Variants in TRIM59 observed in about 807,000 individuals in gnomAD.
TRIM59 encodes the protein tripartite motif-containing protein 59.
A neutral mutation model predicts 32.2 loss-of-function variants in TRIM59; 14 were observed. The ratio of observed to expected loss-of-function variants is 0.43; its 90% confidence interval spans 0.29 to 0.68. TRIM59 has a LOEUF of 0.68. Among genes scored for constraint, TRIM59 ranks in the 30% least tolerant of loss-of-function variants. The pLI, the probability that TRIM59 is intolerant of heterozygous loss-of-function variation, is 0.15. For synonymous variants in TRIM59, 163 were observed against 155.1 expected (o/e 1.05, Z -0.38); for missense variants, 471 against 463.3 (o/e 1.02, Z -0.15).
At chr3:160,442,558 G>GA (rs879824298) in intron 2 of TRIM59, among the ~76,000 whole-genome samples, 1,449 of 139,148 alleles carry the variant, frequency 0.01, 13 homozygotes, top group African/African-American at 0.027. Context: ...TCAAAAAAAG[G>GA]AAAAAAAAAA....
intron 2 of TRIM59, among the ~76,000 whole-genome samples, chr3:160,448,071 T>C (rs1253420505): frequency 6.6e-6 from 1 of 152,326 alleles, no homozygotes; most frequent in East Asian, 1.9e-4. Flanking sequence ...TTAAATCTCT[T>C]TGTCCATCTG....
chr3:160,441,753 C>CAAAAA (rs538957200), intron 2 of TRIM59, among the ~76,000 whole-genome samples: 3 of 50,104 alleles, frequency 6.0e-5, no homozygotes, highest in Non-Finnish European at 9.3e-5. Flanking sequence ...GACTCCATCT[C>CAAAAA]AAAAAAAAAA....
In TRIM59 at chr3:160,436,933, C is replaced by G. The variant is rs569080397; in HGVS notation, c.*1039G>C. 1 of 984,396 alleles carries G rather than the reference C, an allele frequency of 1.0e-6. No homozygotes were observed. The highest frequency in any genetic ancestry group is 4.7e-5 in the South Asian group (1 of 21,242). 61.0% of individuals were successfully genotyped at this position (984,396 alleles called of 1,614,324 possible). A position where few individuals can be genotyped will look rare whatever the true frequency, so the allele number is the denominator to read the frequency against. ...GATGCCATCAAAACCTGTTGCAGAC[C>G]AAGTTACCAACATGATTCTGTTCTA... On this transcript the variant is annotated 3_prime_UTR_variant, in exon 3 of 3. Coordinates refer to ENST00000309784, the MANE Select transcript of TRIM59 (RefSeq NM_173084.3).
intron 2 of TRIM59, among the ~76,000 whole-genome samples, chr3:160,448,381 T>C (rs781169587): frequency 1.6e-4 from 24 of 152,220 alleles, no homozygotes; most frequent in Non-Finnish European, 2.6e-4. Flanking sequence ...GAATGCATAG[T>C]GAAAAAGTAT....
intron 2 of TRIM59, among the ~76,000 whole-genome samples, chr3:160,447,371 AT>A (rs1394606167): frequency 7.2e-5 from 11 of 152,240 alleles, no homozygotes; most frequent in Admixed American, 3.3e-4. Context: ...ATATAAAAAA[AT>A]GAATCTTCTC....
At chr3:160,447,420 T>A (rs954647428) in intron 2 of TRIM59, among the ~76,000 whole-genome samples, 2 of 152,220 alleles carry the variant, frequency 1.3e-5, no homozygotes, top group African/African-American at 4.8e-5. Context: ...TACTTACAAA[T>A]TATTTCACTA....
Position 160,437,939 on chromosome 3 carries a change from A to C in TRIM59, c.*33T>G. On this transcript the variant is annotated 3_prime_UTR_variant, in exon 3 of 3. Coordinates refer to ENST00000309784, the MANE Select transcript of TRIM59 (RefSeq NM_173084.3). ...CATTTTTTGTTTAGCAATGTACAGAATAAGCCCATTTAAACAATTCAGGTT... is the reference window on the plus strand; with the variant it reads ...CATTTTTTGTTTAGCAATGTACAGACTAAGCCCATTTAAACAATTCAGGTT... 6.6e-7 allele frequency: 1 copy of C among 1,520,820 alleles called. No individual in the cohort carries two copies. The highest frequency in any genetic ancestry group is 1.4e-5 in the South Asian group (1 of 72,418). 94.2% of individuals were successfully genotyped at this position (1,520,820 alleles called of 1,614,324 possible).
At position 160,437,998 on chromosome 3, in the gene TRIM59, AT is replaced by A. The variant is rs1255403674; in HGVS notation, c.1185del (p.Glu395AspfsTer6). On this transcript the variant is annotated frameshift_variant, in exon 3 of 3. Transcript: ENST00000309784. LOFTEE classifies it high-confidence loss of function. ...CAATGGGAAACTATTTTCCACACAA[AT>A]TCCTTCAACAAATAGAAAATGTGAC... The part of the protein sequence containing the change: ...ILCHIFYLLK[E>X]FVWKIVSH The A allele has an allele frequency of 1.9e-6, 3 of 1,555,280 alleles. No individual in the cohort carries two copies. In the Admixed American group the frequency reaches 6.4e-5, roughly 33 times the overall value.
rs577317775 is a variant in TRIM59, at chr3:160,449,739, C to A, written c.-96G>T. 3.1e-4 allele frequency: 394 copies of A among 1,289,788 alleles called. 3 individuals are homozygous for A. In the South Asian group the frequency reaches 4.1e-3, roughly 13 times the overall value. 79.9% of individuals were successfully genotyped at this position (1,289,788 alleles called of 1,614,324 possible). ...CACCGCGGGGAGGAAGCGGACCAGG[C>A]AACTCCACAGCACGGAAACACAGCG... On this transcript the variant is annotated 5_prime_UTR_variant, in exon 1 of 3. Transcript: ENST00000309784.
chr3:160,439,122 C>A lies in TRIM59; in HGVS notation c.62G>T (p.Arg21Leu). The change falls in exon 3 of 3, where the codon CGT becomes CTT. Residue 21 changes from arginine (R) to leucine (L), a missense_variant. Transcript: ENST00000309784. The part of the protein sequence containing the change: ...PICYSIFEDP[R>L]VLPCSHTFCR... ...AAATGTATGAGAGCATGGCAGTACA[C>A]GAGGATCTTCAAAAATACTATAACA... 6.6e-7 allele frequency: 1 copy of A among 1,515,188 alleles called. No individual in the cohort carries two copies. Among genetic ancestry groups the A allele is most frequent in the African/African-American group, 1.4e-5 (1 of 71,788 alleles). 93.9% of individuals were successfully genotyped at this position (1,515,188 alleles called of 1,614,324 possible).
At chr3:160,447,923 TAA>T (rs750168229) in intron 2 of TRIM59, 2 of 152,196 alleles carry the variant, frequency 1.3e-5, no homozygotes, top group African/African-American at 2.4e-5. Context: ...TAAACATATA[TAA>T]GATTTTTTTA....
At chr3:160,441,402 T>C (rs953907008) in intron 2 of TRIM59, among the ~76,000 whole-genome samples, 33 of 152,160 alleles carry the variant, frequency 2.2e-4, no homozygotes, top group Admixed American at 1.5e-3. Context: ...TGTTTTTTGT[T>C]TTTTTAATAG....
intron 2 of TRIM59, among the ~76,000 whole-genome samples, chr3:160,439,578 A>G (rs1243720660): frequency 6.6e-6 from 1 of 152,160 alleles, no homozygotes; most frequent in Non-Finnish European, 1.5e-5. Context: ...AACTTTAGTC[A>G]TGGGGGCAGT....
In TRIM59 at chr3:160,438,576, A is replaced by C; in HGVS notation, c.608T>G (p.Phe203Cys). 9 of 1,611,406 alleles carry C rather than the reference A, an allele frequency of 5.6e-6. No homozygotes were observed. Among genetic ancestry groups the C allele is most frequent in the Non-Finnish European group, 7.6e-6 (9 of 1,179,380 alleles). ...GCCAACATCACAGAGAGCCGTTAGGAAACTTTTTTTTTTCTGTTCTAATGT... is the reference window on the plus strand; with the variant it reads ...GCCAACATCACAGAGAGCCGTTAGGCAACTTTTTTTTTTCTGTTCTAATGT... ...NDTLEQKKKS[F>C]LTALCDVGNL... The change falls in exon 3 of 3, where the codon TTC becomes TGC. Residue 203 changes from phenylalanine (F) to cysteine (C), a missense_variant. Coordinates refer to ENST00000309784, the MANE Select transcript of TRIM59 (RefSeq NM_173084.3).
chr3:160,446,413 AT>A (rs1033508119), intron 2 of TRIM59, among the ~76,000 whole-genome samples: 17 of 152,228 alleles, frequency 1.1e-4, no homozygotes, highest in African/African-American at 3.9e-4. Flanking sequence ...ACAGGAGTAC[AT>A]TAAAAAAAAC....
intron 2 of TRIM59, among the ~76,000 whole-genome samples, chr3:160,441,753 CAAAAAAAA>C (rs538957200): frequency 1.6e-4 from 8 of 50,098 alleles, no homozygotes; most frequent in African/African-American, 3.6e-4. Flanking sequence ...GACTCCATCT[CAAAAAAAA>C]AAAAAAAAAA....
At chr3:160,448,689 T>C (rs1719664064) in intron 2 of TRIM59, 37 bp downstream of exon 2, 1 of 1,167,270 alleles carries the variant, frequency 8.6e-7, no homozygotes, top group African/African-American at 1.6e-5. Context: ...AAAACTTAAT[T>C]GTTTTTCATA....
At position 160,436,396 on chromosome 3, in the gene TRIM59, A is replaced by G. The variant is rs1441839182; in HGVS notation, c.*1576T>C. On this transcript the variant is annotated 3_prime_UTR_variant, in exon 3 of 3. Coordinates refer to ENST00000309784, the MANE Select transcript of TRIM59 (RefSeq NM_173084.3). The stretch of plus-strand genomic sequence containing the variant: ...CAAATCAACCTGCACTTAGAGTTGC[A>G]TGGACAGTGGGCCAAAAGTCGTAAC... 4 of 985,970 alleles carry G rather than the reference A, an allele frequency of 4.1e-6. No homozygotes were observed. The highest frequency in any genetic ancestry group is 4.8e-6 in the Non-Finnish European group (4 of 830,118). 61.1% of individuals were successfully genotyped at this position (985,970 alleles called of 1,614,324 possible). A position where few individuals can be genotyped will look rare whatever the true frequency, so the allele number is the denominator to read the frequency against.
At chr3:160,448,081 G>A (rs777350203) in intron 2 of TRIM59, among the ~76,000 whole-genome samples, 5 of 151,942 alleles carry the variant, frequency 3.3e-5, no homozygotes, top group Non-Finnish European at 5.9e-5. Context: ...TTGTCCATCT[G>A]TACTATTTTC....
Sources: allele counts gnomAD v4.1 joint callset (sites outside exome capture counted in the v4.1 genomes callset), GRCh38; gene constraint gnomAD v4.1.1; transcripts MANE v1.5; gene names NCBI Gene and HGNC (gene_info 2026-07-23, HGNC 2026-07-21).